CDH23: variants seen among roughly 807,000 people sequenced by gnomAD.
The protein encoded by CDH23 is cadherin related 23, also known as cadherin-23.
CDH23 carries 189 observed loss-of-function variants against 317.1 expected under a neutral mutation model. The observed-to-expected ratio is 0.60, with a 90% CI of 0.53 to 0.67. CDH23 has a LOEUF of 0.67. Among genes scored for constraint, CDH23 ranks in the 30% least tolerant of loss-of-function variants. The pLI is 0.00. For synonymous variants in CDH23, 1,839 were observed against 1,876.8 expected (o/e 0.98, Z 0.52); for missense variants, 4,401 against 4,592.4 (o/e 0.96, Z 1.20).
intron 6 of CDH23, among the ~76,000 whole-genome samples, chr10:71,558,987 T>G (rs150984992): frequency 5.3e-5 from 8 of 152,284 alleles, no homozygotes; most frequent in African/African-American, 1.7e-4. Context: ...CTCTAGAAAG[T>G]AAATCTCACA....
At chr10:71,739,551 G>A (rs189117464) in intron 35 of CDH23, 93 bp from the exon 36 acceptor site, 9 of 1,482,342 alleles carry the variant, frequency 6.1e-6, no homozygotes, top group South Asian at 3.9e-5. Flanking sequence ...GAGGGCCCAC[G>A]TGGGCAGAGG....
chr10:71,662,825 A>G (rs1863734354), intron 14 of CDH23, among the ~76,000 whole-genome samples: 1 of 152,168 alleles, frequency 6.6e-6, no homozygotes, highest in Non-Finnish European at 1.5e-5. Context: ...TTAAAACTAC[A>G]GAAATGTATT....
At chr10:71,566,671 G>A (rs1857417691) in intron 6 of CDH23, 71 bp from the exon 7 acceptor site, 1 of 1,368,790 alleles carries the variant, frequency 7.3e-7, no homozygotes, top group Non-Finnish European at 9.8e-7. Context: ...TGGGCTTTGA[G>A]GGACTCAGCC....
intron 2 of CDH23, among the ~76,000 whole-genome samples, chr10:71,441,287 C>A (rs894931952): frequency 6.6e-6 from 1 of 152,170 alleles, no homozygotes; most frequent in Non-Finnish European, 1.5e-5. Context: ...AATCGGGGCT[C>A]CTGAGAGCAG....
At chr10:71,414,394 A>AT (rs1848455829) in intron 1 of CDH23, among the ~76,000 whole-genome samples, 1 of 152,116 alleles carries the variant, frequency 6.6e-6, no homozygotes, top group Non-Finnish European at 1.5e-5. Context: ...TATCAAATGT[A>AT]TGTTTGTGTC....
chr10:71,779,443 T>C lies in CDH23; in HGVS notation c.5364T>C (p.Pro1788=). 1 of 1,600,034 alleles carries C rather than the reference T, an allele frequency of 6.2e-7. No homozygotes were observed. The highest frequency in any genetic ancestry group is 1.1e-5 in the South Asian group (1 of 90,514). Residue 1788 remains proline (P), a synonymous_variant, in exon 41 of 70, where the codon CCT becomes CCC. Transcript: ENST00000224721. Reference sequence around the variant, plus strand: ...AGTACAGCATCATGGATGGAGACCCTCTGGGTGAGTGGGGCTTGGGGCATG... The same window carrying C: ...AGTACAGCATCATGGATGGAGACCCCCTGGGTGAGTGGGGCTTGGGGCATG... ...QVEYSIMDGD[P]LGEFVISPVE...
intron 38 of CDH23, 179 bp downstream of exon 38, chr10:71,742,100 G>A: frequency 1.6e-6 from 1 of 622,572 alleles, no homozygotes; most frequent in African/African-American, 1.8e-5. Context: ...ACGGAGGCCT[G>A]TTGCGTGCAA....
chr10:71,453,885 G>A (rs1329063285), intron 3 of CDH23, among the ~76,000 whole-genome samples: 1 of 152,160 alleles, frequency 6.6e-6, no homozygotes, highest in Non-Finnish European at 1.5e-5. Flanking sequence ...GGGCTTTTCT[G>A]CCCACCGTGT....
intron 38 of CDH23, among the ~76,000 whole-genome samples, chr10:71,770,814 A>T (rs1840667816): frequency 6.6e-6 from 1 of 152,112 alleles, no homozygotes; most frequent in Admixed American, 6.5e-5. Context: ...CTTGGGTGGA[A>T]GCATGAACAA....
intron 9 of CDH23, among the ~76,000 whole-genome samples, chr10:71,609,945 C>T (rs1299305310): frequency 6.9e-6 from 1 of 145,366 alleles, no homozygotes; most frequent in Non-Finnish European, 1.5e-5. Context: ...TGTGTAAGGA[C>T]TCCCCCGTGT....
Position 71,603,554 on chromosome 10 carries a change from T to C in CDH23, c.833-11950T>C, listed in dbSNP as rs147805117. Among the ~76,000 whole-genome samples, 285 of 152,254 alleles carry C rather than the reference T, an allele frequency of 1.9e-3. 2 individuals carry two copies. Among genetic ancestry groups the C allele is most frequent in the African/African-American group, 6.6e-3 (276 of 41,556 alleles). The stretch of plus-strand genomic sequence containing the variant: ...GAGAGACCCCAGTTGAAGGGAAGCA[T>C]GGGTGTTTGGGCCTACCTGCCCCAG... On this transcript the variant is annotated intron_variant, in intron 9 of 69. Transcript: ENST00000224721.
chr10:71,432,287 A>T (rs200256245), intron 1 of CDH23, among the ~76,000 whole-genome samples: 3 of 44,866 alleles, frequency 6.7e-5, no homozygotes, highest in Non-Finnish European at 1.2e-4. Flanking sequence ...TGTGTTTGAG[A>T]GTGTGTGTGT....
intron 18 of CDH23, among the ~76,000 whole-genome samples, chr10:71,684,511 G>A (rs772002794): frequency 5.3e-5 from 8 of 152,224 alleles, no homozygotes; most frequent in Non-Finnish European, 8.8e-5. Context: ...ACATGGGTTT[G>A]AAACCTGGCT....
chr10:71,561,932 G>A (rs946586539), intron 6 of CDH23, among the ~76,000 whole-genome samples: 1 of 152,074 alleles, frequency 6.6e-6, no homozygotes, highest in South Asian at 2.1e-4. Context: ...AAGTGATCAT[G>A]CCCCATGGGG....
In CDH23 at chr10:71,550,571, A is replaced by AAT. The variant is rs1564647333; in HGVS notation, c.430-16170_430-16169insTA. On this transcript the variant is annotated intron_variant, in intron 6 of 69. Transcript: ENST00000224721. The stretch of plus-strand genomic sequence containing the variant: ...TGAGACCCTGTCTCAAAAAAAAAAA[A>AAT]AAAAAAGAAAAAAGAAAAAGAAAGA... Among the ~76,000 whole-genome samples, 3 of 113,596 alleles carry AAT rather than the reference A, an allele frequency of 2.6e-5. No homozygotes were observed. In the East Asian group the frequency reaches 1.8e-3, roughly 69 times the overall value. The allele number at this position is 113,596 out of a possible 152,430, so 74.5% of individuals were successfully genotyped here.
At chr10:71,487,375 C>T (rs1339595041) in intron 3 of CDH23, among the ~76,000 whole-genome samples, 6 of 152,136 alleles carry the variant, frequency 3.9e-5, no homozygotes, top group Non-Finnish European at 8.8e-5. Flanking sequence ...GAACTTAGCC[C>T]AAGCCGTTCA....
In CDH23 at chr10:71,615,492, T is replaced by A. The variant is rs769165758; in HGVS notation, c.833-12T>A. 2 of 1,592,574 alleles carry A rather than the reference T, an allele frequency of 1.3e-6. No individual in the cohort carries two copies. Among genetic ancestry groups the A allele is most frequent in the Non-Finnish European group, 1.7e-6 (2 of 1,165,318 alleles). On this transcript the variant is annotated splice_polypyrimidine_tract_variant and intron_variant, in intron 9 of 69. Coordinates refer to ENST00000224721, the MANE Select transcript of CDH23 (RefSeq NM_022124.6). Reference sequence around the variant, plus strand: ...GTGCCTGGTCACACCTGAATGCTTCTCTCTCTTGCAGGGAATACCAACAGC... The same window carrying A: ...GTGCCTGGTCACACCTGAATGCTTCACTCTCTTGCAGGGAATACCAACAGC...
At chr10:71,724,249 G>A in intron 29 of CDH23, 144 bp downstream of exon 29, 2 of 800,056 alleles carry the variant, frequency 2.5e-6, no homozygotes, top group Non-Finnish European at 4.1e-6. Flanking sequence ...GGAGGAAACA[G>A]GGACATTCTC....
At chr10:71,578,578 T>C (rs1295870052) in intron 9 of CDH23, among the ~76,000 whole-genome samples, 1 of 152,052 alleles carries the variant, frequency 6.6e-6, no homozygotes, top group Non-Finnish European at 1.5e-5. Flanking sequence ...TTCCGGGTGA[T>C]GGGATCCCTG....
Sources: allele counts gnomAD v4.1 joint callset (sites outside exome capture counted in the v4.1 genomes callset), GRCh38; gene constraint gnomAD v4.1.1; transcripts MANE v1.5; gene names NCBI Gene and HGNC (gene_info 2026-07-23, HGNC 2026-07-21).